Variants in GATM observed in about 807,000 individuals in gnomAD.
GATM encodes the protein glycine amidinotransferase, mitochondrial.
Under a neutral mutation model 54.2 loss-of-function variants are expected in GATM, and 23 were observed. The observed-to-expected ratio is 0.42, with a 90% CI of 0.31 to 0.60. GATM has a LOEUF of 0.60. Among genes scored for constraint, GATM ranks in the 20% least tolerant of loss-of-function variants. The pLI is 0.14. For missense variants in GATM, 401 were observed against 544.9 expected (o/e 0.74, Z 2.63); for synonymous variants, 168 against 183.1 (o/e 0.92, Z 0.67).
chr15:45,373,165 A>G (rs1299379487), intron 2 of GATM: 1 of 152,230 alleles, frequency 6.6e-6, no homozygotes, highest in Non-Finnish European at 1.5e-5. Flanking sequence ...AAGGTCCTTT[A>G]TCAAGGGCTT....
rs1170650328 is a variant in GATM, at chr15:45,362,219, T to A, written c.1162A>T (p.Ile388Phe). The A allele has an allele frequency of 6.3e-7, 1 of 1,580,472 alleles. No individual in the cohort carries two copies. The highest frequency in any genetic ancestry group is 8.7e-7 in the Non-Finnish European group (1 of 1,149,438). The change falls in exon 9 of 9, where the codon ATC becomes TTC. Residue 388 changes from isoleucine to phenylalanine, a missense_variant and splice_region_variant. By Grantham distance (21) the Ile-to-Phe change is conservative (BLOSUM62 0). Coordinates refer to ENST00000396659, the MANE Select transcript of GATM (RefSeq NM_001482.3). ...CGAATGTTAACTTTAATGGTAGTGATACCTGCATTGAAAGAGAGATGAGGT... is the reference window on the plus strand; with the variant it reads ...CGAATGTTAACTTTAATGGTAGTGAAACCTGCATTGAAAGAGAGATGAGGT... ...PIQKMFEKLG[I>F]TTIKVNIRNA...
intron 2 of GATM, among the ~76,000 whole-genome samples, chr15:45,372,341 G>T (rs552113386): frequency 6.6e-6 from 1 of 152,206 alleles, no homozygotes; most frequent in South Asian, 2.1e-4. Context: ...TTTTACTAAG[G>T]TCTATAGGCA....
intron 6 of GATM, among the ~76,000 whole-genome samples, chr15:45,365,427 T>C (rs1317788222): frequency 6.6e-6 from 1 of 152,088 alleles, no homozygotes; most frequent in East Asian, 1.9e-4. Context: ...GGTCATCGGG[T>C]TTAAAAATAA....
chr15:45,370,015 G>GA (rs1347713936), intron 2 of GATM, among the ~76,000 whole-genome samples: 3 of 150,734 alleles, frequency 2.0e-5, no homozygotes, highest in Admixed American at 6.6e-5. Context: ...TTTGTGAAGG[G>GA]AAAAAAAAAG....
intron 7 of GATM, 174 bp from the exon 8 acceptor site, chr15:45,364,190 T>C (rs1369542871): frequency 4.9e-6 from 3 of 614,758 alleles, no homozygotes; most frequent in Non-Finnish European, 8.7e-6. Flanking sequence ...AATCAATCTG[T>C]ACTCATTATA....
In GATM at chr15:45,378,366, A is replaced by G; in HGVS notation, c.69+19T>C. ...GAGTGAGTCACGCGGCCGCCAGACG[A>G]GGCCGGTGGCGCACGCACCCGAGAT... On this transcript the variant is annotated intron_variant, in intron 1 of 8. Transcript: ENST00000396659. 6.6e-7 allele frequency: 1 copy of G among 1,510,804 alleles called. No individual in the cohort carries two copies. Among genetic ancestry groups the G allele is most frequent in the South Asian group, 1.2e-5 (1 of 81,486 alleles). The allele number at this position is 1,510,804 out of a possible 1,614,324, so 93.6% of individuals were successfully genotyped here.
At chr15:45,375,182 T>C (rs1034051803) in intron 2 of GATM, among the ~76,000 whole-genome samples, 2 of 152,308 alleles carry the variant, frequency 1.3e-5, no homozygotes, top group African/African-American at 4.8e-5. Context: ...GCCATTCTCC[T>C]GCCTCAGCCT....
At chr15:45,378,591 C>A, upstream of GATM, 1 of 596,236 alleles carries the variant, frequency 1.7e-6, no homozygotes, top group South Asian at 2.7e-5. Context: ...CGCTCCGCCC[C>A]GGCCGCCCCC....
chr15:45,364,713 C>T lies in GATM; in HGVS notation c.1042+84G>A, dbSNP rs938515337. On this transcript the variant is annotated intron_variant, in intron 7 of 8. Transcript: ENST00000396659. Reference sequence around the variant, plus strand: ...GGAAACACATTCTCTAAGCTGCTAACATTTGGGCTGCTCTCTATAGGAGAA... The same window carrying T: ...GGAAACACATTCTCTAAGCTGCTAATATTTGGGCTGCTCTCTATAGGAGAA... 2.2e-5 allele frequency: 26 copies of T among 1,205,558 alleles called. No homozygotes were observed. The South Asian group carries it at 2.8e-4, about 13-fold the overall frequency. The allele number at this position is 1,205,558 out of a possible 1,614,324, so 74.7% of individuals were successfully genotyped here.
At chr15:45,378,707 G>T, upstream of GATM, 1 of 386,888 alleles carries the variant, frequency 2.6e-6, no homozygotes, top group Non-Finnish European at 4.6e-6. Flanking sequence ...TCCGATGCTT[G>T]CCCTTTTTTA....
At chr15:45,391,084 C>A (rs1309852206) in intron 3 of GATM, among the ~76,000 whole-genome samples, 1 of 152,138 alleles carries the variant, frequency 6.6e-6, no homozygotes, top group South Asian at 2.1e-4. Context: ...TATTCTAATA[C>A]CTTAGAAAGG....
At chr15:45,381,712 CCTATT>C (rs1305951394), upstream of GATM, among the ~76,000 whole-genome samples, 3 of 152,174 alleles carry the variant, frequency 2.0e-5, no homozygotes, top group East Asian at 3.8e-4. Flanking sequence ...ACAGAAGTCA[CCTATT>C]CTAAGAGACA....
intron 4 of GATM, among the ~76,000 whole-genome samples, chr15:45,367,460 G>T (rs1302638393): frequency 6.6e-6 from 1 of 152,138 alleles, no homozygotes; most frequent in East Asian, 1.9e-4. Context: ...TTGGTCCCGA[G>T]CTTAACTCAT....
intron 2 of GATM, among the ~76,000 whole-genome samples, chr15:45,373,061 C>G (rs145920882): frequency 8.5e-5 from 13 of 152,360 alleles, no homozygotes; most frequent in Non-Finnish European, 1.8e-4. Context: ...TTTTTAAATA[C>G]TGTCTTTGGA....
Position 45,362,151 on chromosome 15 carries a change from G to A in GATM, c.1230C>T (p.Cys410=), listed in dbSNP as rs767575428. ...GTAAGGTGCCTCGGCGCCGGACATC[G>A]CAGGTCCAGCAATGGAAGCCTCCTC... is the stretch of plus-strand genomic sequence containing the variant. The part of the protein sequence containing the change: ...SLGGGFHCWT[C]DVRRRGTLQS... The change falls in exon 9 of 9, where the codon TGC becomes TGT. Residue 410 remains cysteine, a synonymous_variant. Transcript: ENST00000396659. 21 of 1,613,624 alleles carry A rather than the reference G, an allele frequency of 1.3e-5. No individual in the cohort carries two copies. The highest frequency in any genetic ancestry group is 6.7e-5 in the East Asian group (3 of 44,886).
At chr15:45,378,235 G>A in intron 1 of GATM, 150 bp downstream of exon 1, 1 of 563,676 alleles carries the variant, frequency 1.8e-6, no homozygotes, top group South Asian at 2.4e-5. Flanking sequence ...GAGCTTCCCA[G>A]GGATACCAGA....
chr15:45,402,075 CAG>C (rs967026964), exon 1 of GATM: 1 of 250,982 alleles, frequency 4.0e-6, no homozygotes, highest in Non-Finnish European at 7.6e-6. Context: ...GCCAGGAAAA[CAG>C]AATGTAAAGC....
chr15:45,369,344 G>T lies in GATM; in HGVS notation c.466C>A (p.Pro156Thr). Reference sequence around the variant, plus strand: ...CACTTACCCGTAGACTCAAAATCAGGAGTTTTATACTTCAATGACCAGTCA... The same window carrying T: ...CACTTACCCGTAGACTCAAAATCAGTAGTTTTATACTTCAATGACCAGTCA... The part of the protein sequence containing the change: ...PIDWSLKYKT[P>T]DFESTGLYSA... Residue 156 changes from proline (P) to threonine (T), a missense_variant, in exon 3 of 9, where the codon CCT becomes ACT. This residue lies in a region of GATM where 321 missense variants were observed against 457.5 expected (regional missense o/e 0.70). Coordinates refer to ENST00000396659, the MANE Select transcript of GATM (RefSeq NM_001482.3). The T allele has an allele frequency of 6.2e-7, 1 of 1,614,030 alleles. No individual in the cohort carries two copies. Among genetic ancestry groups the T allele is most frequent in the Non-Finnish European group, 8.5e-7 (1 of 1,179,932 alleles).
intron 7 of GATM, 160 bp downstream of exon 7, chr15:45,364,637 C>T (rs1889419001): frequency 3.0e-6 from 2 of 662,924 alleles, no homozygotes; most frequent in East Asian, 5.5e-5. Flanking sequence ...ACACAAGTCC[C>T]AGCCTTGTTC....
Sources: gnomAD v4.1 joint callset for allele counts (sites outside exome capture counted in the v4.1 genomes callset) on GRCh38, gnomAD v4.1.1 for gene constraint, gnomAD v4.1.1 regional missense constraint, MANE v1.5 for transcripts, NCBI Gene and HGNC (gene_info 2026-07-23, HGNC 2026-07-21) for gene names.